Variants in NIBAN3 observed in about 807,000 individuals in gnomAD.
NIBAN3 encodes the protein protein Niban 3.
NIBAN3 carries 66 observed loss-of-function variants against 76.4 expected under a neutral mutation model. The ratio of observed to expected loss-of-function variants is 0.86; its 90% CI spans 0.71 to 1.06. NIBAN3 has a LOEUF of 1.06. NIBAN3 is among the 50% of genes least tolerant of loss of function. The probability of loss-of-function intolerance (pLI) is 0.00; values close to 1 mark genes in which losing one functional copy is unlikely to be tolerated. For synonymous variants in NIBAN3, 360 were observed against 355.2 expected (o/e 1.01, Z -0.15); for missense variants, 808 against 810.7 (o/e 1.00, Z 0.04).
At chr19:17,546,873 A>G (rs1489246775) in intron 13 of NIBAN3, 76 bp downstream of exon 13, 2 of 1,507,200 alleles carry the variant, frequency 1.3e-6, no homozygotes, top group South Asian at 2.4e-5. Context: ...CCAGGGCCAC[A>G]TCGACTCTCA....
chr19:17,539,750 G>C lies in NIBAN3; in HGVS notation c.964G>C (p.Ala322Pro). ...DQLLRQRARV[A>P]GRLRTDIRGP... ...GCTGCTGCGGCAGCGGGCGCGTGTG[G>C]CGGGGCGGCTGAGGAGTGAGGCCCT... Residue 322 changes from alanine to proline, a missense_variant, in exon 8 of 15, where the codon GCG becomes CCG. Physicochemically the swap from Ala to Pro is conservative, Grantham distance 27 (BLOSUM62 -1). Coordinates refer to ENST00000599164, the MANE Select transcript of NIBAN3 (RefSeq NM_001321827.2). The C allele has an allele frequency of 6.5e-7, 1 of 1,535,310 alleles. No homozygotes were observed. The highest frequency in any genetic ancestry group is 8.7e-7 in the Non-Finnish European group (1 of 1,142,876).
At chr19:17,550,847 T>C (rs1031077272) in intron 14 of NIBAN3, among the ~76,000 whole-genome samples, 1 of 132,294 alleles carries the variant, frequency 7.6e-6, no homozygotes, top group Admixed American at 7.3e-5. Flanking sequence ...TACATACTTT[T>C]TTTTTTTTTT....
intron 12 of NIBAN3, chr19:17,546,390 A>G (rs2076055364): frequency 4.0e-6 from 1 of 250,808 alleles, no homozygotes; most frequent in Non-Finnish European, 6.5e-6. Flanking sequence ...TAATTTTTGT[A>G]CTTTTAGTAG....
intron 14 of NIBAN3, among the ~76,000 whole-genome samples, chr19:17,549,993 T>C (rs1378637385): frequency 6.6e-6 from 1 of 152,090 alleles, no homozygotes; most frequent in Non-Finnish European, 1.5e-5. Context: ...CTAATTTTTG[T>C]ATTTTTAATA....
At chr19:17,543,496 T>C in intron 11 of NIBAN3, 28 bp from the exon 12 acceptor site, 4 of 1,613,348 alleles carry the variant, frequency 2.5e-6, no homozygotes, top group Middle Eastern at 1.7e-4. Flanking sequence ...AGATGGTTGC[T>C]GGACGCACCG....
chr19:17,539,166 G>A lies in NIBAN3; in HGVS notation c.612G>A (p.Gln204=). ...RLQGIVLQRS[Q]APAARAFLDA... ...CCCTCTCAGTCCTGCAGCGAAGCCAGGCCCCTGCTGCCCGGGCCTTCCTGG... is the reference window on the plus strand; with the variant it reads ...CCCTCTCAGTCCTGCAGCGAAGCCAAGCCCCTGCTGCCCGGGCCTTCCTGG... Residue 204 remains glutamine, a synonymous_variant, in exon 6 of 15, where the codon CAG becomes CAA. Transcript: ENST00000599164. The A allele has an allele frequency of 6.3e-7, 1 of 1,596,430 alleles. No individual in the cohort carries two copies. The highest frequency in any genetic ancestry group is 2.3e-5 in the East Asian group (1 of 43,934).
At chr19:17,547,247 G>A (rs1429480646) in intron 13 of NIBAN3, among the ~76,000 whole-genome samples, 2 of 150,556 alleles carry the variant, frequency 1.3e-5, no homozygotes, top group African/African-American at 4.9e-5. Flanking sequence ...CCAGCTACTC[G>A]GGAGGCTGAG....
intron 5 of NIBAN3, 116 bp from the exon 6 acceptor site, chr19:17,539,034 A>C: frequency 1.2e-6 from 1 of 821,746 alleles, no homozygotes; most frequent in Non-Finnish European, 1.9e-6. Flanking sequence ...GCAAAGTTCC[A>C]GAGATGGGTG....
At chr19:17,538,891 C>T (rs552493014) in intron 5 of NIBAN3, among the ~76,000 whole-genome samples, 2 of 152,334 alleles carry the variant, frequency 1.3e-5, no homozygotes, top group East Asian at 3.9e-4. Context: ...ACTAGAGGAA[C>T]AGCTAGTGGC....
At chr19:17,538,806 GAGAA>G (rs1038994807) in intron 5 of NIBAN3, among the ~76,000 whole-genome samples, 1 of 152,058 alleles carries the variant, frequency 6.6e-6, no homozygotes, top group Non-Finnish European at 1.5e-5. Flanking sequence ...AAGGGAAAGA[GAGAA>G]AGAAAAAAGT....
At chr19:17,525,992 G>A (rs1329609097), upstream of NIBAN3, among the ~76,000 whole-genome samples, 1 of 151,894 alleles carries the variant, frequency 6.6e-6, no homozygotes, top group Admixed American at 6.6e-5. Flanking sequence ...AGGCGAAGGT[G>A]GCAGTGAGCC....
chr19:17,539,917 G>C (rs1340336445), intron 8 of NIBAN3, 152 bp downstream of exon 8: 2 of 599,352 alleles, frequency 3.3e-6, no homozygotes, highest in South Asian at 2.2e-5. Flanking sequence ...GCAAGGGAAC[G>C]GGTGGGGAAG....
chr19:17,553,543 C>G lies in NIBAN3; in HGVS notation c.*1645C>G. On this transcript the variant is annotated 3_prime_UTR_variant, in exon 15 of 15. Transcript: ENST00000599164. ...TTCCTCCCATTCTGTCTGGAGTTTT[C>G]GGCCTACCCCAAGACAATGAGATAT... 6.2e-7 allele frequency: 1 copy of G among 1,614,142 alleles called. No individual in the cohort carries two copies. The highest frequency in any genetic ancestry group is 8.5e-7 in the Non-Finnish European group (1 of 1,180,002).
intron 4 of NIBAN3, among the ~76,000 whole-genome samples, chr19:17,535,317 G>A (rs978646908): frequency 6.6e-6 from 1 of 152,138 alleles, no homozygotes; most frequent in African/African-American, 2.4e-5. Context: ...GTGGTGGCAT[G>A]TGCCGGTAGT....
upstream of NIBAN3, among the ~76,000 whole-genome samples, chr19:17,527,080 G>A (rs1294761766): frequency 3.3e-5 from 5 of 152,124 alleles, no homozygotes; most frequent in African/African-American, 4.8e-5. Flanking sequence ...CCTCCAAGAC[G>A]AGCTATGATT....
chr19:17,551,646 C>G, intron 14 of NIBAN3, 140 bp from the exon 15 acceptor site: 1 of 495,526 alleles, frequency 2.0e-6, no homozygotes, highest in South Asian at 2.9e-5. Flanking sequence ...GATCCTTGGT[C>G]TCCCAGAGTG....
chr19:17,549,961 C>T (rs1055199582), intron 14 of NIBAN3: 9 of 332,572 alleles, frequency 2.7e-5, no homozygotes, highest in South Asian at 1.9e-4. Flanking sequence ...GGACTACAGG[C>T]GGCACATGCC....
Position 17,533,650 on chromosome 19 carries a change from TC to T in NIBAN3, c.379del (p.Gln127SerfsTer32), listed in dbSNP as rs775259922. 2.5e-6 allele frequency: 4 copies of T among 1,613,992 alleles called. No homozygotes were observed. The highest frequency in any genetic ancestry group is 3.4e-6 in the Non-Finnish European group (4 of 1,180,020). On this transcript the variant is annotated frameshift_variant, in exon 4 of 15. Transcript: ENST00000599164. LOFTEE classifies it high-confidence loss of function. ...CCTGACAGGATACACGCTCCTGACT[TC>T]CCAGCGAGAATATCTCCGCCTTTTG... The part of the protein sequence containing the change: ...TALTGYTLLT[S>X]QREYLRLLDA...
At chr19:17,554,217 C>T (rs1001696165), downstream of NIBAN3, among the ~76,000 whole-genome samples, 1 of 151,996 alleles carries the variant, frequency 6.6e-6, no homozygotes, top group African/African-American at 2.4e-5. Flanking sequence ...CATGATGGCT[C>T]ACTGGTAATC....
Sources: allele counts gnomAD v4.1 joint callset (sites outside exome capture counted in the v4.1 genomes callset), GRCh38; gene constraint gnomAD v4.1.1; transcripts MANE v1.5; gene names NCBI Gene and HGNC (gene_info 2026-07-23, HGNC 2026-07-21).